The following ANKRD55 variants were observed in gnomAD, a reference collection of about 807,000 sequenced individuals.
ANKRD55 encodes the protein ankyrin repeat domain-containing protein 55.
A neutral mutation model predicts 60.6 loss-of-function variants in ANKRD55; 41 were observed. The ratio of observed to expected loss-of-function variants is 0.68; its 90% CI spans 0.53 to 0.88. ANKRD55 has a LOEUF of 0.88. Among genes scored for constraint, ANKRD55 ranks in the 40% least tolerant of loss-of-function variants. The pLI is 0.00. For synonymous variants in ANKRD55, 264 were observed against 290.3 expected (o/e 0.91, Z 0.92); for missense variants, 732 against 767.6 (o/e 0.95, Z 0.55).
chr5:56,167,935 C>G (rs1758521926), intron 5 of ANKRD55, among the ~76,000 whole-genome samples: 1 of 152,192 alleles, frequency 6.6e-6, no homozygotes, highest in Non-Finnish European at 1.5e-5. Context: ...TCAACTGATC[C>G]AATTGACATT....
chr5:56,120,593 C>G (rs1157374356), intron 8 of ANKRD55, among the ~76,000 whole-genome samples: 3 of 152,138 alleles, frequency 2.0e-5, no homozygotes, highest in Non-Finnish European at 4.4e-5. Flanking sequence ...GAAAGGTGGT[C>G]CCCCTTCAAT....
At chr5:56,119,226 G>A (rs969623628) in intron 8 of ANKRD55, among the ~76,000 whole-genome samples, 4 of 152,126 alleles carry the variant, frequency 2.6e-5, no homozygotes, top group Non-Finnish European at 5.9e-5. Flanking sequence ...CAGTAGTACT[G>A]GAATACTACT....
At chr5:56,178,193 CTTTTT>C (rs532357908) in intron 3 of ANKRD55, among the ~76,000 whole-genome samples, 44 of 143,046 alleles carry the variant, frequency 3.1e-4, no homozygotes, top group African/African-American at 1.1e-3. Flanking sequence ...TCTTTTCTTT[CTTTTT>C]TTTTTTTTTG....
intron 7 of ANKRD55, among the ~76,000 whole-genome samples, chr5:56,130,055 G>A (rs1472941953): frequency 6.6e-6 from 1 of 152,212 alleles, no homozygotes; most frequent in East Asian, 1.9e-4. Context: ...AATCTGGACT[G>A]CCTTCATGGT....
intron 4 of ANKRD55, 72 bp from the exon 5 acceptor site, chr5:56,170,875 G>T: frequency 7.2e-7 from 1 of 1,395,694 alleles, no homozygotes; most frequent in Non-Finnish European, 1.0e-6. Flanking sequence ...ACTTTCTCTA[G>T]ATTTTTTTCC....
chr5:56,151,261 A>G (rs1023636042), intron 6 of ANKRD55, among the ~76,000 whole-genome samples: 1 of 152,236 alleles, frequency 6.6e-6, no homozygotes, highest in Non-Finnish European at 1.5e-5. Context: ...TAAAGTCTAC[A>G]GGACATTTTT....
At chr5:56,172,173 T>C (rs996355303) in intron 4 of ANKRD55, among the ~76,000 whole-genome samples, 2 of 147,736 alleles carry the variant, frequency 1.4e-5, no homozygotes, top group African/African-American at 4.9e-5. Context: ...AGAAGGAAGA[T>C]AATGATAAGA....
chr5:56,130,678 T>C (rs1757385335), intron 7 of ANKRD55, among the ~76,000 whole-genome samples: 1 of 152,188 alleles, frequency 6.6e-6, no homozygotes, highest in Non-Finnish European at 1.5e-5. Flanking sequence ...ATGGGAATTA[T>C]CAGATAAATA....
chr5:56,217,883 G>A (rs1458131500), intron 2 of ANKRD55, among the ~76,000 whole-genome samples: 1 of 149,184 alleles, frequency 6.7e-6, no homozygotes, highest in Non-Finnish European at 1.5e-5. Flanking sequence ...GTGACAGAGC[G>A]AGACTCCGTC....
At chr5:56,188,063 C>T (rs148543594) in intron 2 of ANKRD55, among the ~76,000 whole-genome samples, 1 of 152,246 alleles carries the variant, frequency 6.6e-6, no homozygotes, top group East Asian at 1.9e-4. Flanking sequence ...CTCTTCTAGC[C>T]CACAGGCTGA....
intron 6 of ANKRD55, among the ~76,000 whole-genome samples, chr5:56,144,567 G>A (rs1757850972): frequency 6.6e-6 from 1 of 151,392 alleles, no homozygotes; most frequent in South Asian, 2.1e-4. Flanking sequence ...CTGATCCTGG[G>A]AGGGTGGGAT....
At chr5:56,128,304 T>C (rs1292826764) in intron 7 of ANKRD55, among the ~76,000 whole-genome samples, 1 of 152,182 alleles carries the variant, frequency 6.6e-6, no homozygotes, top group East Asian at 1.9e-4. Flanking sequence ...AAGCATTAAG[T>C]GCAGATGGAG....
At chr5:56,101,246 T>A (rs1473351013) in intron 11 of ANKRD55, among the ~76,000 whole-genome samples, 1 of 152,174 alleles carries the variant, frequency 6.6e-6, no homozygotes, top group Non-Finnish European at 1.5e-5. Flanking sequence ...TTTACATATG[T>A]TATCTCATTT....
chr5:56,123,041 CA>C (rs2111709355), intron 8 of ANKRD55, among the ~76,000 whole-genome samples: 1 of 152,220 alleles, frequency 6.6e-6, no homozygotes, highest in African/African-American at 2.4e-5. Context: ...GCTGGGATTA[CA>C]GGTGTGAGCC....
At chr5:56,110,967 G>C in intron 10 of ANKRD55, 151 bp downstream of exon 10, 1 of 852,866 alleles carries the variant, frequency 1.2e-6, no homozygotes, top group Non-Finnish European at 1.8e-6. Context: ...CTCAAATCCA[G>C]TGCACTTTGG....
chr5:56,100,203 G>A lies in ANKRD55; in HGVS notation c.1825C>T (p.Pro609Ser), dbSNP rs777716135. The change falls in exon 12 of 12, where the codon CCC becomes TCC. Residue 609 changes from proline (P) to serine (S), a missense_variant. Pro to Ser is a moderately conservative substitution (Grantham distance 74). This residue lies in a region of ANKRD55 where 597 missense variants were observed against 607.5 expected (regional missense o/e 0.98). Transcript: ENST00000341048. The part of the protein sequence containing the change: ...AAEESEHSAN[P>S]TSDEN Reference sequence around the variant, plus strand: ...CACAGTTAATTTTCATCACTGGTGGGGTTGGCAGAATGTTCACTCTCTTCT... The same window carrying A: ...CACAGTTAATTTTCATCACTGGTGGAGTTGGCAGAATGTTCACTCTCTTCT... The A allele has an allele frequency of 1.9e-6, 3 of 1,614,164 alleles. No homozygotes were observed. The highest frequency in any genetic ancestry group is 2.2e-5 in the East Asian group (1 of 44,888).
chr5:56,214,004 G>A (rs1249041452), intron 2 of ANKRD55, among the ~76,000 whole-genome samples: 1 of 152,216 alleles, frequency 6.6e-6, no homozygotes, highest in Non-Finnish European at 1.5e-5. Flanking sequence ...ATGGTGAAAG[G>A]CAAAGGAGAA....
chr5:56,209,413 T>C (rs1376827111), intron 2 of ANKRD55, among the ~76,000 whole-genome samples: 1 of 152,224 alleles, frequency 6.6e-6, no homozygotes. Flanking sequence ...CTTTTTGTGA[T>C]TATAAGTTCT....
chr5:56,147,296 A>C (rs1169204603), intron 6 of ANKRD55, among the ~76,000 whole-genome samples: 1 of 152,190 alleles, frequency 6.6e-6, no homozygotes, highest in East Asian at 1.9e-4. Context: ...TGGAGAAAAA[A>C]ATGTTCTTTC....
Sources: gnomAD v4.1 joint callset for allele counts (sites outside exome capture counted in the v4.1 genomes callset) on GRCh38, gnomAD v4.1.1 for gene constraint, gnomAD v4.1.1 regional missense constraint, MANE v1.5 for transcripts, NCBI Gene and HGNC (gene_info 2026-07-23, HGNC 2026-07-21) for gene names.